KRT3: variants seen among roughly 807,000 people sequenced by gnomAD.
KRT3 encodes the protein keratin, type II cytoskeletal 3.
In KRT3, 34 loss-of-function variants were observed where a neutral mutation model predicts 45.8. The ratio of observed to expected loss-of-function variants is 0.74; its 90% confidence interval spans 0.57 to 0.99. KRT3 has a LOEUF of 0.99. Among genes scored for constraint, KRT3 ranks in the 50% least tolerant of loss-of-function variants. The pLI, the probability that KRT3 is intolerant of heterozygous loss-of-function variation, is 0.00. For synonymous variants in KRT3, 367 were observed against 329.0 expected (o/e 1.12, Z -1.25); for missense variants, 828 against 820.6 (o/e 1.01, Z -0.11).
chr12:52,793,588 T>G (rs1939574957), intron 2 of KRT3, among the ~76,000 whole-genome samples: 1 of 151,914 alleles, frequency 6.6e-6, no homozygotes, highest in African/African-American at 2.4e-5. Flanking sequence ...AACTCATCCG[T>G]TTTTTGTTTT....
Position 52,794,217 on chromosome 12 carries a change from G to A in KRT3, c.760C>T (p.His254Tyr), listed in dbSNP as rs1228970547. ...AGGTAGCTCCGCAGGTAGTTGATGT[G>A]ATTCTCAAAAAGAGGCTCAAGGTTG... ...TNNLEPLFENHINYLRSYLDN... is the reference protein window; with the variant it reads ...TNNLEPLFENYINYLRSYLDN... The change falls in exon 2 of 9, where the codon CAC (histidine) becomes TAC (tyrosine). Residue 254 changes from histidine (H) to tyrosine (Y), a missense_variant. Transcript: ENST00000417996. 2 of 1,614,040 alleles carry A rather than the reference G, an allele frequency of 1.2e-6. No homozygotes were observed. The highest frequency in any genetic ancestry group is 1.1e-5 in the South Asian group (1 of 91,082).
chr12:52,791,370 G>A lies in KRT3; in HGVS notation c.1371C>T (p.Leu457=), dbSNP rs376658995. The change falls in exon 7 of 9, where the codon CTC becomes CTT. Residue 457 remains leucine (L), a synonymous_variant. Coordinates refer to ENST00000417996, the MANE Select transcript of KRT3 (RefSeq NM_057088.3). ...AEAEQHGEMA[L]KDANAKLQEL... ...CTTGGAGCTTGGCATTGGCATCCTTGAGGGCCATCTCTCCATGCTGCTCGG... is the reference window on the plus strand; with the variant it reads ...CTTGGAGCTTGGCATTGGCATCCTTAAGGGCCATCTCTCCATGCTGCTCGG... 55 of 1,614,246 alleles carry A rather than the reference G, an allele frequency of 3.4e-5. No individual in the cohort carries two copies. The African/African-American group carries it at 6.1e-4, about 18-fold the overall frequency.
rs777166021 is a variant in KRT3, at chr12:52,796,091, A to C, written c.-49T>G. The stretch of plus-strand genomic sequence containing the variant: ...GAGTGTAAGTTAAGCAGGGACACTG[A>C]GAGTCAGAGGAAGAGGGATGGGAAA... On this transcript the variant is annotated 5_prime_UTR_variant, in exon 1 of 9. Coordinates refer to ENST00000417996, the MANE Select transcript of KRT3 (RefSeq NM_057088.3). The C allele has an allele frequency of 6.3e-6, 10 of 1,590,518 alleles. No individual in the cohort carries two copies. In the African/African-American group the frequency reaches 8.0e-5, roughly 13 times the overall value.
rs760545335 is a variant in KRT3 at position 52,791,234 on chromosome 12, G to A, written c.1507C>T (p.Arg503Cys). Residue 503 changes from arginine to cysteine, a missense_variant, in exon 7 of 9, where the codon CGC (arginine) becomes TGC (cysteine). By Grantham distance (180) the Arg-to-Cys change is radical. Transcript: ENST00000417996. The part of the protein sequence containing the change: ...LALDVEIATY[R>C]KLLEGEEYRM... ...TACTCCTCGCCCTCCAGCAGCTTGC[G>A]GTAGGTGGCGATCTCCACGTCCAGG... 2.2e-5 allele frequency: 36 copies of A among 1,614,084 alleles called. No homozygotes were observed. Among genetic ancestry groups the A allele is most frequent in the Admixed American group, 2.0e-4 (12 of 60,008 alleles).
intron 2 of KRT3, among the ~76,000 whole-genome samples, chr12:52,793,623 G>A (rs1041187979): frequency 1.3e-5 from 2 of 151,602 alleles, no homozygotes; most frequent in Admixed American, 6.6e-5. Flanking sequence ...ACATAGTCTC[G>A]CTCTGTCACC....
intron 8 of KRT3, among the ~76,000 whole-genome samples, 178 bp from the exon 9 acceptor site, chr12:52,790,536 T>C (rs1178934591): frequency 3.9e-5 from 6 of 152,230 alleles, no homozygotes; most frequent in Non-Finnish European, 8.8e-5. Flanking sequence ...CGTTAAGCCA[T>C]TATGAATTAG....
rs780870200 is a variant in KRT3, at chr12:52,794,178, C to G, written c.799G>C (p.Gly267Arg). ...TCAGAGTCCAGGCGCCCTCTCTCCC[C>G]GAGGATGTTGTCCAGGTAGCTCCGC... ...YLRSYLDNIL[G>R]ERGRLDSELK... Residue 267 changes from glycine to arginine, a missense_variant, in exon 2 of 9, where the codon GGG becomes CGG. Coordinates refer to ENST00000417996, the MANE Select transcript of KRT3 (RefSeq NM_057088.3). 8.7e-6 allele frequency: 14 copies of G among 1,614,062 alleles called. No individual in the cohort carries two copies. The South Asian group carries it at 1.5e-4, about 18-fold the overall frequency.
chr12:52,795,498 G>A lies in KRT3; in HGVS notation c.545C>T (p.Pro182Leu). ...CTGGGGGTCGATCTCCACATTGAGG[G>A]GCTGCAGGAGACTCTGGTTGATAGT... ...EVTINQSLLQ[P>L]LNVEIDPQIG... The change falls in exon 1 of 9, where the codon CCC (proline) becomes CTC (leucine). Residue 182 changes from proline to leucine, a missense_variant. Physicochemically the swap from Pro to Leu is moderately conservative, Grantham distance 98. Transcript: ENST00000417996. 1 of 1,614,064 alleles carries A rather than the reference G, an allele frequency of 6.2e-7. No individual in the cohort carries two copies. Among genetic ancestry groups the A allele is most frequent in the Non-Finnish European group, 8.5e-7 (1 of 1,180,040 alleles).
intron 7 of KRT3, 85 bp from the exon 8 acceptor site, chr12:52,790,957 A>G (rs1022287607): frequency 1.5e-6 from 2 of 1,370,288 alleles, no homozygotes; most frequent in Non-Finnish European, 2.0e-6. Context: ...AATAGCAACC[A>G]GAGCTGAACA....
intron 3 of KRT3, 41 bp downstream of exon 3, chr12:52,793,122 C>G: frequency 6.5e-7 from 1 of 1,547,350 alleles, no homozygotes; most frequent in Non-Finnish European, 8.9e-7. Context: ...AGCCAGAAAC[C>G]TGCAGCTGCA....
At position 52,793,357 on chromosome 12, in the gene KRT3, C is replaced by G. The variant is rs1380452208; in HGVS notation, c.867-134G>C. The G allele has an allele frequency of 4.8e-6, 3 of 626,172 alleles. No homozygotes were observed. In the African/African-American group the frequency reaches 5.5e-5, roughly 11 times the overall value. 38.8% of individuals were successfully genotyped at this position (626,172 alleles called of 1,614,324 possible). A position where few individuals can be genotyped will look rare whatever the true frequency, so the allele number is the denominator to read the frequency against. Reference sequence around the variant, plus strand: ...TGCCCCTCTCAGATGAGCACATCCTCTTTACTATCTCCCTGTTAGTTGGGG... The same window carrying G: ...TGCCCCTCTCAGATGAGCACATCCTGTTTACTATCTCCCTGTTAGTTGGGG... On this transcript the variant is annotated intron_variant, in intron 2 of 8. Transcript: ENST00000417996.
chr12:52,792,261 G>C lies in KRT3; in HGVS notation c.1166C>G (p.Ala389Gly), dbSNP rs765161937. ...CACCTTGGTCTGGTACAGGGCCTCA[G>C]CTTCGGCCTTGCTTCTCTGAGCGAT... ...EDIAQRSKAE[A>G]EALYQTKLGE... Residue 389 changes from alanine (A) to glycine (G), a missense_variant, in exon 5 of 9, where the codon GCT (alanine) becomes GGT (glycine). Physicochemically the swap from Ala to Gly is moderately conservative, Grantham distance 60. Transcript: ENST00000417996. 2 of 1,614,098 alleles carry C rather than the reference G, an allele frequency of 1.2e-6. No homozygotes were observed. Among genetic ancestry groups the C allele is most frequent in the Non-Finnish European group, 1.7e-6 (2 of 1,179,992 alleles).
Position 52,791,603 on chromosome 12 carries a change from A to G in KRT3, c.1314+88T>C, listed in dbSNP as rs534082750. The G allele has an allele frequency of 8.8e-5, 137 of 1,564,854 alleles. 1 individual carries two copies. The South Asian group carries it at 1.5e-3, about 17-fold the overall frequency. On this transcript the variant is annotated intron_variant, in intron 6 of 8. Coordinates refer to ENST00000417996, the MANE Select transcript of KRT3 (RefSeq NM_057088.3). ...GGTCAGCCAGCCTGAGATGACCTCC[A>G]GACGTCTATTCCAGGGGAGGAGTCC...
Position 52,795,609 on chromosome 12 carries a change from C to A in KRT3, c.434G>T (p.Gly145Val). 9 of 1,590,462 alleles carry A rather than the reference C, an allele frequency of 5.7e-6. No homozygotes were observed. The highest frequency in any genetic ancestry group is 7.7e-6 in the Non-Finnish European group (9 of 1,168,730). Residue 145 changes from glycine to valine, a missense_variant, in exon 1 of 9, where the codon GGG (glycine) becomes GTG (valine). By Grantham distance (109) the Gly-to-Val change is moderately radical. Coordinates refer to ENST00000417996, the MANE Select transcript of KRT3 (RefSeq NM_057088.3). ...GGFGGPGGFG[G>V]SGGFGGPGSL... ...GCCAGGCCCACCAAAGCCACCAGAC[C>A]CACCAAAGCCACCAGGACCACCAAA...
rs768932591 is a variant in KRT3, at chr12:52,795,568, CA to C, written c.474del (p.Gly159ValfsTer15). 2 of 1,610,562 alleles carry C rather than the reference CA, an allele frequency of 1.2e-6. No individual in the cohort carries two copies. Among genetic ancestry groups the C allele is most frequent in the East Asian group, 4.5e-5 (2 of 44,766 alleles). ...GFGGPGSLGS[P>X]GGFGPGGFPG... is the part of the protein sequence containing the mutation. The stretch of plus-strand genomic sequence containing the variant: ...GGAAAGCCCCCAGGGCCAAAGCCAC[CA>C]GGACTGCCCAAGCTGCCAGGCCCAC... On this transcript the variant is annotated frameshift_variant, in exon 1 of 9. Transcript: ENST00000417996. LOFTEE classifies it high-confidence loss of function.
Position 52,790,287 on chromosome 12 carries a change from C to T in KRT3, c.1642G>A (p.Gly548Ser), listed in dbSNP as rs754068887. 3.9e-6 allele frequency: 6 copies of T among 1,558,154 alleles called. 1 individual carries two copies. The highest frequency in any genetic ancestry group is 1.9e-5 in the Admixed American group (1 of 51,872). The part of the protein sequence containing the change: ...YGGGYGGGMG[G>S]GLGGGFSAGG... Reference sequence around the variant, plus strand: ...GCACTGAAGCCACCTCCTAAACCACCGCCCATGCCTCCGCCGTAACCTCCT... The same window carrying T: ...GCACTGAAGCCACCTCCTAAACCACTGCCCATGCCTCCGCCGTAACCTCCT... Residue 548 changes from glycine to serine, a missense_variant, in exon 9 of 9, where the codon GGT becomes AGT. Physicochemically the swap from Gly to Ser is moderately conservative, Grantham distance 56. Coordinates refer to ENST00000417996, the MANE Select transcript of KRT3 (RefSeq NM_057088.3).
At position 52,794,179 on chromosome 12, in the gene KRT3, G is replaced by A. The variant is rs745776578; in HGVS notation, c.798C>T (p.Leu266=). 4.8e-5 allele frequency: 77 copies of A among 1,614,168 alleles called. No individual in the cohort carries two copies. The highest frequency in any genetic ancestry group is 4.5e-4 in the South Asian group (41 of 91,082). The part of the protein sequence containing the change: ...NYLRSYLDNI[L]GERGRLDSEL... ...CAGAGTCCAGGCGCCCTCTCTCCCC[G>A]AGGATGTTGTCCAGGTAGCTCCGCA... Residue 266 remains leucine (L), a synonymous_variant, in exon 2 of 9, where the codon CTC becomes CTT. Transcript: ENST00000417996.
chr12:52,794,332 C>T lies in KRT3; in HGVS notation c.646-1G>A, dbSNP rs763472947. ...TGTTCTGTTGCTCCAGGAACCGCAC[C>T]TGCAATGGTTGCAGGAAGCAACATC... On this transcript the variant is annotated splice_acceptor_variant, in intron 1 of 8. Coordinates refer to ENST00000417996, the MANE Select transcript of KRT3 (RefSeq NM_057088.3). LOFTEE classifies it high-confidence loss of function. 8 of 1,612,568 alleles carry T rather than the reference C, an allele frequency of 5.0e-6. No individual in the cohort carries two copies. The highest frequency in any genetic ancestry group is 1.1e-5 in the South Asian group (1 of 91,042).
Position 52,795,761 on chromosome 12 carries a change from TCCATAGCC to T in KRT3, c.274_281del (p.Gly92ArgfsTer120), listed in dbSNP as rs1939628821. 1 of 1,613,392 alleles carries T rather than the reference TCCATAGCC, an allele frequency of 6.2e-7. No individual in the cohort carries two copies. The highest frequency in any genetic ancestry group is 8.5e-7 in the Non-Finnish European group (1 of 1,179,754). ...CTCCATAGCCGCTCCCAAAGCCACC[TCCATAGCC>T]ACCTGCAAAGGCACAGCTGCTCCGC... On this transcript the variant is annotated frameshift_variant, in exon 1 of 9. Coordinates refer to ENST00000417996, the MANE Select transcript of KRT3 (RefSeq NM_057088.3). LOFTEE classifies it high-confidence loss of function.
Sources: gnomAD v4.1 joint callset for allele counts (sites outside exome capture counted in the v4.1 genomes callset) on GRCh38, gnomAD v4.1.1 for gene constraint, MANE v1.5 for transcripts, NCBI Gene and HGNC (gene_info 2026-07-23, HGNC 2026-07-21) for gene names.